Variants in NEO1 observed in about 807,000 individuals in gnomAD.
The protein encoded by NEO1 is neogenin.
In NEO1, 63 loss-of-function variants were observed where a neutral mutation model predicts 159.7. That is an observed-to-expected ratio of 0.39 (90% CI 0.32 to 0.49). The LOEUF (loss-of-function observed/expected upper bound fraction) is 0.49, where lower values mean the gene tolerates loss of function less well. NEO1 is among the 20% of genes least tolerant of loss of function. NEO1 has a pLI of 0.85. For synonymous variants in NEO1, 633 were observed against 662.0 expected (o/e 0.96, Z 0.67); for missense variants, 1,615 against 1,831.0 (o/e 0.88, Z 2.15).
At chr15:73,196,510 C>T (rs758224194) in intron 7 of NEO1, among the ~76,000 whole-genome samples, 22 of 152,164 alleles carry the variant, frequency 1.4e-4, no homozygotes, top group Admixed American at 1.1e-3. Context: ...CACTTTATTC[C>T]CTTGCCAGTG....
intron 5 of NEO1, among the ~76,000 whole-genome samples, chr15:73,151,641 C>G (rs2033379613): frequency 6.6e-6 from 1 of 152,082 alleles, no homozygotes; most frequent in African/African-American, 2.4e-5. Flanking sequence ...CAAGCAAACC[C>G]TTATAAAACT....
At chr15:73,257,778 C>A (rs1294174642) in intron 13 of NEO1, among the ~76,000 whole-genome samples, 5 of 152,188 alleles carry the variant, frequency 3.3e-5, no homozygotes, top group African/African-American at 1.2e-4. Flanking sequence ...CCCCAAAGGA[C>A]AGGGAATGAT....
intron 1 of NEO1, among the ~76,000 whole-genome samples, chr15:73,105,072 A>G (rs1023171643): frequency 1.3e-5 from 2 of 152,198 alleles, no homozygotes; most frequent in African/African-American, 4.8e-5. Context: ...TTTGAACTCT[A>G]TATGAAAATA....
chr15:73,148,528 C>T (rs955902990), intron 5 of NEO1, among the ~76,000 whole-genome samples: 4 of 152,128 alleles, frequency 2.6e-5, no homozygotes, highest in East Asian at 3.9e-4. Flanking sequence ...TTTCTTCCCC[C>T]GCTACCTATT....
rs1310945457 is a variant in NEO1, at chr15:73,260,464, G to A, written c.2397G>A (p.Leu799=). Reference sequence around the variant, plus strand: ...AGCGCTATTACACCATTGAAAATCTGGGTATGTTTGCTAAGTAGAGAAAGT... The same window carrying A: ...AGCGCTATTACACCATTGAAAATCTAGGTATGTTTGCTAAGTAGAGAAAGT... ...YKQRYYTIEN[L]DPSSHYVITL... is the part of the protein sequence containing the mutation. Residue 799 remains leucine (L), a splice_region_variant and synonymous_variant, in exon 15 of 29, where the codon CTG becomes CTA. Transcript: ENST00000261908. The A allele has an allele frequency of 6.3e-7, 1 of 1,580,664 alleles. No homozygotes were observed. The highest frequency in any genetic ancestry group is 8.7e-7 in the Non-Finnish European group (1 of 1,155,326).
At chr15:73,060,180 ACAAG>A (rs1047750880) in intron 1 of NEO1, among the ~76,000 whole-genome samples, 1 of 152,222 alleles carries the variant, frequency 6.6e-6, no homozygotes, top group African/African-American at 2.4e-5. Flanking sequence ...TTTAAATGTA[ACAAG>A]TAAAATTTGA....
chr15:73,285,589 A>C (rs2041911924), intron 23 of NEO1, among the ~76,000 whole-genome samples: 1 of 152,196 alleles, frequency 6.6e-6, no homozygotes, highest in South Asian at 2.1e-4. Flanking sequence ...AGCTTTTCTT[A>C]CTACTTTTCT....
chr15:73,299,504 G>A (rs565853114), intron 27 of NEO1, among the ~76,000 whole-genome samples: 2 of 151,824 alleles, frequency 1.3e-5, no homozygotes, highest in Non-Finnish European at 2.9e-5. Context: ...TCCTGCCTTA[G>A]CCTCCCAAGC....
intron 5 of NEO1, among the ~76,000 whole-genome samples, chr15:73,174,173 A>G (rs1006303584): frequency 6.6e-6 from 1 of 152,216 alleles, no homozygotes; most frequent in African/African-American, 2.4e-5. Context: ...AAAGAATACA[A>G]AAATAGTAAA....
chr15:73,197,742 G>A (rs550829078), intron 7 of NEO1, among the ~76,000 whole-genome samples: 7 of 148,504 alleles, frequency 4.7e-5, no homozygotes, highest in Non-Finnish European at 8.9e-5. Context: ...GTGCAGTGGC[G>A]CAATTTCGGC....
At position 73,081,582 on chromosome 15, in the gene NEO1, G is replaced by T. The variant is rs536518664; in HGVS notation, c.130+28777G>T. On this transcript the variant is annotated intron_variant, in intron 1 of 28. Coordinates refer to ENST00000261908, the MANE Select transcript of NEO1 (RefSeq NM_002499.4). ...TATTACAGCAAGTACTAAGTGTTTT[G>T]TTTTTTTTTTTCTGAGACAAGGACT... Among the ~76,000 whole-genome samples, 319 of 146,140 alleles carry T rather than the reference G, an allele frequency of 2.2e-3. 1 individual carries two copies. The highest frequency in any genetic ancestry group is 5.9e-3 in the African/African-American group (238 of 40,126).
intron 4 of NEO1, among the ~76,000 whole-genome samples, chr15:73,135,404 C>G (rs1328826292): frequency 2.6e-5 from 4 of 152,156 alleles, no homozygotes; most frequent in Admixed American, 2.6e-4. Flanking sequence ...CATAGGGAAA[C>G]TTTCAGTAGG....
At chr15:73,078,001 C>T (rs746549309) in intron 1 of NEO1, among the ~76,000 whole-genome samples, 1 of 152,106 alleles carries the variant, frequency 6.6e-6, no homozygotes, top group Non-Finnish European at 1.5e-5. Flanking sequence ...GTATAATGAG[C>T]AAACATCCAG....
At chr15:73,208,786 C>T (rs1036086135) in intron 7 of NEO1, among the ~76,000 whole-genome samples, 2 of 151,806 alleles carry the variant, frequency 1.3e-5, no homozygotes. Flanking sequence ...CACCCGAGCC[C>T]AGGAGGTCAA....
intron 5 of NEO1, among the ~76,000 whole-genome samples, chr15:73,138,963 A>G (rs1327042276): frequency 6.6e-6 from 1 of 152,128 alleles, no homozygotes; most frequent in Admixed American, 6.5e-5. Flanking sequence ...ATTGGTTGTC[A>G]TACTTGGAGA....
intron 1 of NEO1, among the ~76,000 whole-genome samples, chr15:73,074,064 A>G (rs567597583): frequency 2.6e-4 from 39 of 152,326 alleles, no homozygotes; most frequent in Middle Eastern, 3.4e-3. Context: ...TCACCATTTC[A>G]ACAAATCTCT....
intron 27 of NEO1, 37 bp downstream of exon 27, chr15:73,298,648 C>A: frequency 6.2e-7 from 1 of 1,606,736 alleles, no homozygotes; most frequent in Non-Finnish European, 8.5e-7. Flanking sequence ...AGGGAGCACA[C>A]CTGGAGTGAC....
chr15:73,291,907 C>T (rs1401293894), intron 25 of NEO1, among the ~76,000 whole-genome samples: 1 of 152,102 alleles, frequency 6.6e-6, no homozygotes, highest in Non-Finnish European at 1.5e-5. Context: ...TTCCCCCTAC[C>T]CCAGCCTGAA....
intron 1 of NEO1, among the ~76,000 whole-genome samples, chr15:73,110,857 G>C (rs1470971611): frequency 6.6e-6 from 1 of 152,110 alleles, no homozygotes; most frequent in Non-Finnish European, 1.5e-5. Flanking sequence ...CAGCTAAGGA[G>C]TGAGTGTTTG....
Sources: allele counts gnomAD v4.1 joint callset (sites outside exome capture counted in the v4.1 genomes callset), GRCh38; gene constraint gnomAD v4.1.1; transcripts MANE v1.5; gene names NCBI Gene and HGNC (gene_info 2026-07-23, HGNC 2026-07-21).